IFT122: variants seen among roughly 807,000 people sequenced by gnomAD.
IFT122 encodes intraflagellar transport protein 122 homolog.
A neutral mutation model predicts 161.6 loss-of-function variants in IFT122; 118 were observed. The observed-to-expected ratio is 0.73, with a 90% CI of 0.63 to 0.85. The LOEUF (loss-of-function observed/expected upper bound fraction) is 0.85, where lower values mean the gene tolerates loss of function less well. Ranked by LOEUF, IFT122 falls within the 40% of genes least tolerant of loss-of-function variation. IFT122 has a pLI of 0.00. For synonymous variants in IFT122, 550 were observed against 602.4 expected, an observed-to-expected ratio of 0.91 and a Z score of 1.27; for missense variants, 1,381 against 1,579.6, an observed-to-expected ratio of 0.87 and a Z score of 2.13.
chr3:129,479,580 A>G (rs543634652), intron 12 of IFT122, among the ~76,000 whole-genome samples: 20 of 152,292 alleles, frequency 1.3e-4, no homozygotes, highest in African/African-American at 4.8e-4. Context: ...TGCATTGAAG[A>G]TCTGAGGCTG....
In IFT122 at chr3:129,478,180, C is replaced by A. The variant is rs1219313305; in HGVS notation, c.1312C>A (p.Leu438Ile). ...GATTATCAAGAAGTTTGAGTGCAACCTCCTGGTGGTGTGTGCCAATCACAT... is the reference window on the plus strand; with the variant it reads ...GATTATCAAGAAGTTTGAGTGCAACATCCTGGTGGTGTGTGCCAATCACAT... ...EKIIKKFECN[L>I]LVVCANHIIL... Residue 438 changes from leucine to isoleucine, a missense_variant, in exon 12 of 30, where the codon CTC becomes ATC. Around this residue, in one of 7 missense-constraint regions of IFT122, gnomAD observed 544 missense variants for 648.0 expected, o/e 0.84. Coordinates refer to ENST00000348417, the MANE Select transcript of IFT122 (RefSeq NM_052989.3). 1 of 1,614,166 alleles carries A rather than the reference C, an allele frequency of 6.2e-7. No individual in the cohort carries two copies. Among genetic ancestry groups the A allele is most frequent in the South Asian group, 1.1e-5 (1 of 91,082 alleles).
chr3:129,479,255 CAAAAAAAAAAAA>C (rs547629384), intron 12 of IFT122, among the ~76,000 whole-genome samples: 1 of 81,422 alleles, frequency 1.2e-5, no homozygotes, highest in African/African-American at 4.3e-5. Flanking sequence ...CCATCTCCAC[CAAAAAAAAAAAA>C]AAAAAAAAAA....
At chr3:129,460,515 C>T (rs1405521082) in intron 4 of IFT122, among the ~76,000 whole-genome samples, 3 of 151,996 alleles carry the variant, frequency 2.0e-5, no homozygotes, top group Admixed American at 2.0e-4. Flanking sequence ...CTCCCTTGGC[C>T]GCCCAAACTG....
rs746090651 is a variant in IFT122 at position 129,488,300 on chromosome 3, A to C, written c.1895A>C (p.Glu632Ala). 1.2e-6 allele frequency: 2 copies of C among 1,614,202 alleles called. No individual in the cohort carries two copies. Among genetic ancestry groups the C allele is most frequent in the Admixed American group, 1.7e-5 (1 of 60,020 alleles). Residue 632 changes from glutamate to alanine, a missense_variant, in exon 16 of 30, where the codon GAA becomes GCA. Physicochemically the swap from Glu to Ala is moderately radical, Grantham distance 107. Around this residue, in one of 7 missense-constraint regions of IFT122, gnomAD observed 544 missense variants for 648.0 expected, o/e 0.84. Coordinates refer to ENST00000348417, the MANE Select transcript of IFT122 (RefSeq NM_052989.3). ...YQYLDRKLFKEAYQIACLGVT... is the reference protein window; with the variant it reads ...YQYLDRKLFKAAYQIACLGVT... ...TACCTGGATAGGAAACTGTTCAAGGAAGCCTACCAGATTGCTTGCTTGGGT... is the reference window on the plus strand; with the variant it reads ...TACCTGGATAGGAAACTGTTCAAGGCAGCCTACCAGATTGCTTGCTTGGGT...
intron 16 of IFT122, among the ~76,000 whole-genome samples, chr3:129,489,181 A>T (rs2079715795): frequency 6.6e-6 from 1 of 152,262 alleles, no homozygotes; most frequent in Admixed American, 6.5e-5. Flanking sequence ...AGTGGCAAAG[A>T]GGGACGTGAT....
At chr3:129,488,466 C>A (rs55991801) in intron 16 of IFT122, 69 bp downstream of exon 16, 1 of 1,598,484 alleles carries the variant, frequency 6.3e-7, no homozygotes, top group African/African-American at 1.4e-5. Flanking sequence ...AGATGGGGAC[C>A]CAGGTGGCAC....
chr3:129,499,546 C>T (rs1246029211), intron 18 of IFT122, among the ~76,000 whole-genome samples: 3 of 152,316 alleles, frequency 2.0e-5, no homozygotes, highest in Admixed American at 2.0e-4. Flanking sequence ...GAGAGAGAGA[C>T]AGCCTGATCA....
chr3:129,469,453 C>T, intron 9 of IFT122, 36 bp downstream of exon 9: 1 of 1,473,472 alleles, frequency 6.8e-7, no homozygotes, highest in Non-Finnish European at 9.5e-7. Context: ...TGCAGTCATG[C>T]CTGTTATATT....
At chr3:129,505,711 C>T (rs1051597554) in intron 21 of IFT122, among the ~76,000 whole-genome samples, 1 of 152,186 alleles carries the variant, frequency 6.6e-6, no homozygotes, top group African/African-American at 2.4e-5. Flanking sequence ...GGGCTGGCCA[C>T]GTAGTAGGTA....
At chr3:129,466,444 T>A (rs2076779783) in intron 7 of IFT122, among the ~76,000 whole-genome samples, 1 of 151,598 alleles carries the variant, frequency 6.6e-6, no homozygotes, top group Non-Finnish European at 1.5e-5. Context: ...ACCTGGTGGC[T>A]GTCCTCCTCC....
chr3:129,507,483 G>T (rs763003039), intron 22 of IFT122, among the ~76,000 whole-genome samples, 185 bp from the exon 23 acceptor site: 1 of 152,174 alleles, frequency 6.6e-6, no homozygotes, highest in Non-Finnish European at 1.5e-5. Flanking sequence ...TCCTGGAGTG[G>T]CCCTACTCCT....
At chr3:129,450,011 C>CTTTTT in intron 2 of IFT122, 74 bp downstream of exon 2, 2 of 779,518 alleles carry the variant, frequency 2.6e-6, no homozygotes, top group Non-Finnish European at 4.3e-6. Flanking sequence ...AAATTTGACC[C>CTTTTT]TTTTTTTTTT....
chr3:129,495,650 A>G (rs2080747328), intron 18 of IFT122, 43 bp downstream of exon 18: 3 of 1,608,988 alleles, frequency 1.9e-6, no homozygotes, highest in South Asian at 1.1e-5. Context: ...CTTGGAGCCC[A>G]CTGGTATTCT....
At chr3:129,448,451 G>A (rs1471546323) in intron 1 of IFT122, among the ~76,000 whole-genome samples, 1 of 152,204 alleles carries the variant, frequency 6.6e-6, no homozygotes, top group Non-Finnish European at 1.5e-5. Flanking sequence ...TTAGGGCTAG[G>A]TGTGTCATTT....
chr3:129,493,181 T>C (rs950033999), intron 17 of IFT122, among the ~76,000 whole-genome samples: 2 of 152,194 alleles, frequency 1.3e-5, no homozygotes, highest in African/African-American at 4.8e-5. Flanking sequence ...AAAAGGCATA[T>C]ACATTTTTTC....
In IFT122 at chr3:129,504,144, G is replaced by A. The variant is rs1447645999; in HGVS notation, c.2548-175G>A. 13 of 615,070 alleles carry A rather than the reference G, an allele frequency of 2.1e-5. No homozygotes were observed. In the East Asian group the frequency reaches 2.3e-4, roughly 11 times the overall value. The allele number at this position is 615,070 out of a possible 1,614,324, so 38.1% of individuals were successfully genotyped here. On this transcript the variant is annotated intron_variant, in intron 20 of 29. Coordinates refer to ENST00000348417, the MANE Select transcript of IFT122 (RefSeq NM_052989.3). ...TTGCTGTTAATTGCCTTTTGTTTTC[G>A]AAGAGCTGATTTGTTTTTGCATTTC...
chr3:129,497,262 A>G (rs1181961597), intron 18 of IFT122, among the ~76,000 whole-genome samples: 1 of 152,226 alleles, frequency 6.6e-6, no homozygotes, highest in East Asian at 1.9e-4. Context: ...AGCAAGACCC[A>G]TGTCAAAAAA....
In IFT122 at chr3:129,519,699, C is replaced by T. The variant is rs369729210; in HGVS notation, c.3603C>T (p.Asp1201=). 2.1e-5 allele frequency: 34 copies of T among 1,613,690 alleles called. No individual in the cohort carries two copies. The highest frequency in any genetic ancestry group is 1.1e-4 in the African/African-American group (8 of 74,924). ...AATACTTCCGCTCACTGCTGCCTGA[C>T]GCCTCCATTACCATGTGCCCCTCCT... is the stretch of plus-strand genomic sequence containing the variant. ...RWQYFRSLLP[D]ASITMCPSCF... Residue 1201 remains aspartate, a synonymous_variant, in exon 29 of 30, where the codon GAC becomes GAT. Coordinates refer to ENST00000348417, the MANE Select transcript of IFT122 (RefSeq NM_052989.3).
chr3:129,466,002 T>C (rs990682229), intron 7 of IFT122, among the ~76,000 whole-genome samples: 3 of 152,238 alleles, frequency 2.0e-5, no homozygotes, highest in Admixed American at 6.5e-5. Context: ...AGAGACAGGG[T>C]TTCACCATGT....
Sources: gnomAD v4.1 joint callset for allele counts (sites outside exome capture counted in the v4.1 genomes callset) on GRCh38, gnomAD v4.1.1 for gene constraint, gnomAD v4.1.1 regional missense constraint, MANE v1.5 for transcripts, NCBI Gene and HGNC (gene_info 2026-07-23, HGNC 2026-07-21) for gene names.